ADGRL2: variants seen among roughly 807,000 people sequenced by gnomAD.
ADGRL2 encodes adhesion G protein-coupled receptor L2.
ADGRL2 carries 44 observed loss-of-function variants against 157.4 expected under a neutral mutation model. The ratio of observed to expected loss-of-function variants is 0.28; its 90% CI spans 0.22 to 0.36. The LOEUF (loss-of-function observed/expected upper bound fraction) is 0.36, where lower values mean the gene tolerates loss of function less well. Ranked by LOEUF, ADGRL2 falls within the 10% of genes least tolerant of loss-of-function variation. The pLI, the probability that ADGRL2 is intolerant of heterozygous loss-of-function variation, is 1.00. For synonymous variants in ADGRL2, 585 were observed against 624.7 expected, an observed-to-expected ratio of 0.94 and a Z score of 0.95; for missense variants, 1,510 against 1,768.9, an observed-to-expected ratio of 0.85 and a Z score of 2.63.
intron 1 of ADGRL2, among the ~76,000 whole-genome samples, chr1:81,816,817 A>G (rs2090448826): frequency 6.6e-6 from 1 of 151,998 alleles, no homozygotes; most frequent in South Asian, 2.1e-4. Flanking sequence ...TCAACCTACA[A>G]AATAAAACTT....
chr1:81,425,859 A>AG (rs2077204335), intron 1 of ADGRL2, among the ~76,000 whole-genome samples: 2 of 117,630 alleles, frequency 1.7e-5, no homozygotes, highest in Non-Finnish European at 3.8e-5. Flanking sequence ...AAGAAAATAC[A>AG]AATTTATTTA....
chr1:81,878,928 T>A (rs2093913338), intron 2 of ADGRL2, among the ~76,000 whole-genome samples: 1 of 152,210 alleles, frequency 6.6e-6, no homozygotes. Flanking sequence ...AGTTAGCACT[T>A]GTTTTAAAAC....
At chr1:81,670,547 G>A (rs953231076) in intron 3 of ADGRL2, among the ~76,000 whole-genome samples, 1 of 152,190 alleles carries the variant, frequency 6.6e-6, no homozygotes, top group African/African-American at 2.4e-5. Context: ...CACGCTGGCA[G>A]TAGTGTGAAT....
chr1:81,508,424 G>A (rs2079017796), intron 2 of ADGRL2, among the ~76,000 whole-genome samples: 1 of 152,130 alleles, frequency 6.6e-6, no homozygotes. Flanking sequence ...GAGACTCACT[G>A]ACCTGCCAGT....
chr1:81,536,962 A>G (rs72933286), intron 2 of ADGRL2, among the ~76,000 whole-genome samples: 1 of 152,346 alleles, frequency 6.6e-6, no homozygotes, highest in African/African-American at 2.4e-5. Flanking sequence ...TAAGGTTCTC[A>G]GTAGGCAATA....
intron 3 of ADGRL2, among the ~76,000 whole-genome samples, chr1:81,663,007 G>A (rs904338284): frequency 2.0e-5 from 3 of 151,988 alleles, no homozygotes; most frequent in Non-Finnish European, 4.4e-5. Flanking sequence ...CTTACAAACT[G>A]CCTTAGAATC....
In ADGRL2 at chr1:81,984,536, G is replaced by A. The variant is rs376524866; in HGVS notation, c.3283-47G>A. 1,805 of 1,438,426 alleles carry A rather than the reference G, an allele frequency of 1.3e-3. 3 individuals are homozygous for A. The highest frequency in any genetic ancestry group is 1.5e-3 in the Non-Finnish European group (1,640 of 1,076,006). The allele number at this position is 1,438,426 out of a possible 1,614,324, so 89.1% of individuals were successfully genotyped here. ...TGTTCATTTAATTAGAGAGAGAGAA[G>A]CAAGTGTGTTATATTAATCCCTTGG... On this transcript the variant is annotated intron_variant, in intron 19 of 23. Transcript: ENST00000686636.
intron 3 of ADGRL2, among the ~76,000 whole-genome samples, chr1:81,922,308 T>A (rs932448577): frequency 2.0e-5 from 3 of 152,158 alleles, no homozygotes; most frequent in Non-Finnish European, 4.4e-5. Context: ...GCCAGTTTCT[T>A]TTTCCTTTCG....
At position 81,321,266 on chromosome 1, in the gene ADGRL2, C is replaced by T. The variant is rs116003653; in HGVS notation, c.-302+14757C>T. Among the ~76,000 whole-genome samples, 462 of 152,244 alleles carry T rather than the reference C, an allele frequency of 3.0e-3. 3 individuals are homozygous for T. The highest frequency in any genetic ancestry group is 0.013 in the East Asian group (67 of 5,174). On this transcript the variant is annotated intron_variant, in intron 1 of 24. Transcript: ENST00000370721. The stretch of plus-strand genomic sequence containing the variant: ...TGGAGGCTGTTTTGGTCTTCTATCC[C>T]GACGACTAAAACTATATCAGCAATA...
intron 11 of ADGRL2, among the ~76,000 whole-genome samples, chr1:81,963,050 A>C (rs1655944041): frequency 6.6e-6 from 1 of 152,088 alleles, no homozygotes; most frequent in South Asian, 2.1e-4. Context: ...CTCCCAAATA[A>C]CAGCATTATG....
chr1:81,552,362 G>C (rs576260639), intron 2 of ADGRL2, among the ~76,000 whole-genome samples: 7 of 152,046 alleles, frequency 4.6e-5, no homozygotes, highest in African/African-American at 4.8e-5. Flanking sequence ...CATTGGTCCC[G>C]AGCACAGTTA....
intron 2 of ADGRL2, among the ~76,000 whole-genome samples, chr1:81,788,183 C>T (rs2087148805): frequency 6.6e-6 from 1 of 151,086 alleles, no homozygotes; most frequent in South Asian, 2.1e-4. Context: ...TAAGAAATGA[C>T]AGAGAATACA....
chr1:81,432,922 TA>T (rs2077347810), intron 1 of ADGRL2, among the ~76,000 whole-genome samples: 1 of 152,158 alleles, frequency 6.6e-6, no homozygotes, highest in Non-Finnish European at 1.5e-5. Context: ...TGGAAAGAGC[TA>T]AACTGAACTG....
intron 1 of ADGRL2, among the ~76,000 whole-genome samples, chr1:81,374,578 G>GCAAAAAAAAAAAAAAAAAAAAAA (rs2076215108): frequency 7.7e-6 from 1 of 130,256 alleles, no homozygotes; most frequent in African/African-American, 3.0e-5. Context: ...TCTCAAAAAA[G>GCAAAAAAAAAAAAAAAAAAAAAA]AAAAAAAAAA....
At chr1:81,486,848 A>G (rs2147920824) in intron 2 of ADGRL2, among the ~76,000 whole-genome samples, 1 of 152,280 alleles carries the variant, frequency 6.6e-6, no homozygotes. Flanking sequence ...TAAAAAAATA[A>G]ACAAAGTGCA....
At chr1:81,855,172 C>G (rs2093159444) in intron 2 of ADGRL2, among the ~76,000 whole-genome samples, 2 of 152,130 alleles carry the variant, frequency 1.3e-5, no homozygotes, top group South Asian at 4.1e-4. Context: ...GGCACAGTGG[C>G]TCGTGCCTGT....
At chr1:81,679,407 GA>G (rs56271921) in intron 3 of ADGRL2, among the ~76,000 whole-genome samples, 49 of 146,656 alleles carry the variant, frequency 3.3e-4, no homozygotes, top group Middle Eastern at 3.4e-3. Flanking sequence ...ATGGTAGTAA[GA>G]AAAAAAAAAA....
At chr1:81,379,232 G>A (rs1399491514) in intron 1 of ADGRL2, among the ~76,000 whole-genome samples, 1 of 152,126 alleles carries the variant, frequency 6.6e-6, no homozygotes, top group African/African-American at 2.4e-5. Flanking sequence ...CTTCTTCAGT[G>A]CTCCGCTGCT....
At chr1:81,654,288 G>A (rs1449024952) in intron 3 of ADGRL2, among the ~76,000 whole-genome samples, 1 of 152,130 alleles carries the variant, frequency 6.6e-6, no homozygotes, top group Non-Finnish European at 1.5e-5. Flanking sequence ...AATGACATCA[G>A]CAGTGTTCTC....
Sources: allele counts gnomAD v4.1 joint callset (sites outside exome capture counted in the v4.1 genomes callset), GRCh38; gene constraint gnomAD v4.1.1; transcripts MANE v1.5; gene names NCBI Gene and HGNC (gene_info 2026-07-23, HGNC 2026-07-21).